PRKN: variants seen among roughly 807,000 people sequenced by gnomAD.
PRKN encodes the protein parkin RBR E3 ubiquitin protein ligase, also known as E3 ubiquitin-protein ligase parkin.
PRKN carries 56 observed loss-of-function variants against 59.5 expected under a neutral mutation model. That is an observed-to-expected ratio of 0.94 (90% CI 0.76 to 1.18). The LOEUF (loss-of-function observed/expected upper bound fraction) is 1.18. PRKN is among the 50% of genes most tolerant of loss of function. The pLI, the probability that PRKN is intolerant of heterozygous loss-of-function variation, is 0.00. For missense variants in PRKN, 657 were observed against 596.4 expected, an observed-to-expected ratio of 1.10 and a Z score of -1.06; for synonymous variants, 250 against 222.1, an observed-to-expected ratio of 1.13 and a Z score of -1.12.
intron 7 of PRKN, among the ~76,000 whole-genome samples, chr6:161,666,865 CAGA>C (rs1784744780): frequency 6.6e-6 from 1 of 152,108 alleles, no homozygotes; most frequent in African/African-American, 2.4e-5. Flanking sequence ...AGACACTCAG[CAGA>C]AGATGCCTTA....
chr6:162,613,258 G>A (rs1782266710), intron 1 of PRKN, among the ~76,000 whole-genome samples: 1 of 152,208 alleles, frequency 6.6e-6, no homozygotes, highest in East Asian at 1.9e-4. Context: ...TTAAGAGAGA[G>A]AATGAATAAC....
chr6:162,691,502 C>G (rs963606377), intron 1 of PRKN, among the ~76,000 whole-genome samples: 1 of 151,950 alleles, frequency 6.6e-6, no homozygotes, highest in African/African-American at 2.4e-5. Context: ...TTATATGTAC[C>G]TCCCATTCTG....
chr6:161,358,350 C>T (rs1176931625), intron 11 of PRKN, among the ~76,000 whole-genome samples: 1 of 140,868 alleles, frequency 7.1e-6, no homozygotes, highest in Non-Finnish European at 1.5e-5. Flanking sequence ...TGGCTCACAC[C>T]CGTAATCCCA....
intron 7 of PRKN, among the ~76,000 whole-genome samples, chr6:161,620,235 C>A (rs1184640841): frequency 6.6e-6 from 1 of 151,108 alleles, no homozygotes; most frequent in Non-Finnish European, 1.5e-5. Flanking sequence ...CTCCTGACCT[C>A]AGGTGATCCG....
At chr6:162,338,050 G>C (rs1183544865) in intron 2 of PRKN, among the ~76,000 whole-genome samples, 2 of 152,086 alleles carry the variant, frequency 1.3e-5, no homozygotes, top group African/African-American at 2.4e-5. Flanking sequence ...AACATGCATA[G>C]AATGTAGAGA....
chr6:162,196,833 T>C (rs1056392227), intron 4 of PRKN, among the ~76,000 whole-genome samples: 2 of 152,176 alleles, frequency 1.3e-5, no homozygotes, highest in Admixed American at 6.5e-5. Context: ...TATTATTACA[T>C]GTAAATTTTA....
At chr6:161,383,398 T>C (rs543572665) in intron 10 of PRKN, among the ~76,000 whole-genome samples, 4 of 152,340 alleles carry the variant, frequency 2.6e-5, no homozygotes, top group African/African-American at 4.8e-5. Context: ...AATTCTGTAT[T>C]CTTTCCCCTC....
At chr6:162,719,540 A>G (rs1778853150) in intron 1 of PRKN, among the ~76,000 whole-genome samples, 1 of 32,884 alleles carries the variant, frequency 3.0e-5, no homozygotes, top group Admixed American at 7.2e-4. Flanking sequence ...TTTTGTTTCA[A>G]TGGAAAAAAA....
chr6:162,702,877 G>T (rs1374490149), intron 1 of PRKN, among the ~76,000 whole-genome samples: 14 of 152,112 alleles, frequency 9.2e-5, no homozygotes, highest in Non-Finnish European at 1.6e-4. Context: ...TCAGAGAAAG[G>T]CTCCACTGCA....
In PRKN at chr6:161,545,558, AC is replaced by A. The variant is rs1779767534; in HGVS notation, c.1083+3295del. ...TTCTTCCAGACAATGGCTTTCCATTACACTCCTTAAACCCAGAAAAGATGGG... is the reference window on the plus strand; with the variant it reads ...TTCTTCCAGACAATGGCTTTCCATTAACTCCTTAAACCCAGAAAAGATGGG... On this transcript the variant is annotated intron_variant, in intron 9 of 11. Coordinates refer to ENST00000366898, the MANE Select transcript of PRKN (RefSeq NM_004562.3). The surrounding 1 kb of genome is among the most constrained non-coding windows in gnomAD (Gnocchi z 4.1). 1.3e-6 allele frequency: 1 copy of A among 755,208 alleles called. No individual in the cohort carries two copies. Among genetic ancestry groups the A allele is most frequent in the East Asian group, 2.6e-5 (1 of 37,810 alleles). 46.8% of individuals were successfully genotyped at this position (755,208 alleles called of 1,614,324 possible). A position where few individuals can be genotyped will look rare whatever the true frequency, so the allele number is the denominator to read the frequency against.
At chr6:162,534,416 G>A (rs1217205603) in intron 1 of PRKN, among the ~76,000 whole-genome samples, 1 of 152,064 alleles carries the variant, frequency 6.6e-6, no homozygotes, top group Non-Finnish European at 1.5e-5. Flanking sequence ...TCGAAAGCAT[G>A]CTGTGCCTCT....
rs953455237 is a variant in PRKN at position 161,552,498 on chromosome 6, C to A, written c.934-3495G>T. Among the ~76,000 whole-genome samples the A allele has an allele frequency of 6.6e-6, 1 of 151,740 alleles. No homozygotes were observed. The highest frequency in any genetic ancestry group is 1.5e-5 in the Non-Finnish European group (1 of 67,952). On this transcript the variant is annotated intron_variant, in intron 8 of 11. Transcript: ENST00000366898. The surrounding 1 kb of genome is among the most constrained non-coding windows in gnomAD (Gnocchi z 4.9). ...AATGATCTCACGGTGATCCTCCAAG[C>A]CCCTCTCCCTCAGCTCTGCATCACC...
At chr6:161,639,400 C>A (rs1236815601) in intron 7 of PRKN, among the ~76,000 whole-genome samples, 1 of 152,184 alleles carries the variant, frequency 6.6e-6, no homozygotes, top group East Asian at 1.9e-4. Context: ...TTTCTGGCTT[C>A]ATCTTTCCCC....
At chr6:162,639,388 A>G (rs1777872924) in intron 1 of PRKN, among the ~76,000 whole-genome samples, 1 of 152,218 alleles carries the variant, frequency 6.6e-6, no homozygotes, top group Non-Finnish European at 1.5e-5. Flanking sequence ...AGCCAGTAAG[A>G]TGTTAAAACC....
At chr6:162,260,328 A>G (rs1006475134) in intron 3 of PRKN, among the ~76,000 whole-genome samples, 1 of 152,164 alleles carries the variant, frequency 6.6e-6, no homozygotes, top group Non-Finnish European at 1.5e-5. Context: ...TAGATCATAC[A>G]GTACTCTGAA....
rs60685690 is a variant in PRKN at position 161,658,015 on chromosome 6, C to CA, written c.872-88600dup. On this transcript the variant is annotated intron_variant, in intron 7 of 11. Transcript: ENST00000366898. Reference sequence around the variant, plus strand: ...TGATCAACAGACTGAGACTCTGTCTCAAAAAAAAAAAAAAAAAAAGAAAAG... The same window carrying CA: ...TGATCAACAGACTGAGACTCTGTCTCAAAAAAAAAAAAAAAAAAAAGAAAAG... Among the ~76,000 whole-genome samples the CA allele has an allele frequency of 5.9e-3, 362 of 61,320 alleles. 1 individual carries two copies. Among genetic ancestry groups the CA allele is most frequent in the Non-Finnish European group, 8.5e-3 (255 of 29,832 alleles). 40.2% of individuals were successfully genotyped at this position (61,320 alleles called of 152,430 possible).
intron 1 of PRKN, among the ~76,000 whole-genome samples, chr6:162,588,697 G>A (rs935635979): frequency 2.6e-5 from 4 of 152,002 alleles, no homozygotes; most frequent in East Asian, 1.9e-4. Flanking sequence ...GACTACAGGC[G>A]CCCGCCACCA....
chr6:162,422,044 C>T (rs1345795191), intron 2 of PRKN, among the ~76,000 whole-genome samples: 1 of 152,150 alleles, frequency 6.6e-6, no homozygotes, highest in African/African-American at 2.4e-5. Flanking sequence ...ACAATTTGAG[C>T]TGAGCAGCAG....
chr6:162,284,304 A>G (rs1781079508), intron 2 of PRKN, among the ~76,000 whole-genome samples: 1 of 139,424 alleles, frequency 7.2e-6, no homozygotes, highest in South Asian at 2.2e-4. Context: ...GGCTCACTGC[A>G]ACGTCCACCT....
Sources: gnomAD v4.1 joint callset for allele counts (sites outside exome capture counted in the v4.1 genomes callset) on GRCh38, gnomAD v4.1.1 for gene constraint, Gnocchi (gnomAD v3.1) non-coding constraint, MANE v1.5 for transcripts, NCBI Gene and HGNC (gene_info 2026-07-23, HGNC 2026-07-21) for gene names.